DPH6: variants seen among roughly 807,000 people sequenced by gnomAD.
DPH6 encodes diphthine--ammonia ligase.
In DPH6, 33 loss-of-function variants were observed where a neutral mutation model predicts 38.2. That is an observed-to-expected ratio of 0.86 (90% confidence interval 0.65 to 1.15). The LOEUF (loss-of-function observed/expected upper bound fraction) is 1.15. DPH6 is among the 50% of genes most tolerant of loss of function. The pLI is 0.00. For missense variants in DPH6, 325 were observed against 320.0 expected (o/e 1.02, Z -0.12); for synonymous variants, 108 against 103.0 (o/e 1.05, Z -0.30).
the DPH6 span, among the ~76,000 whole-genome samples, chr15:35,166,131 C>G: frequency 1.2e-4 from 18 of 151,866 alleles, no homozygotes; most frequent in Non-Finnish European, 2.7e-4. Flanking sequence ...TTCTCCCTGG[C>G]CTTTTCTGTC....
chr15:35,238,267 C>G (rs1384218867), intron 3 of DPH6: 4 of 235,296 alleles, frequency 1.7e-5, no homozygotes, highest in Admixed American at 5.4e-5. Context: ...TTTTTACTGC[C>G]AAAAAAAAAA....
chr15:35,262,513 T>C lies in DPH6; in HGVS notation n.201-41931A>G, dbSNP rs377635958. On this transcript the variant is annotated intron_variant and non_coding_transcript_variant, in intron 3 of 3. Coordinates refer to the DPH6 transcript ENST00000560386. ...CCAGGTCAGGAGATGAAGACCATCC[T>C]GGCTAACACGGTGAAACCCCGTCTC... Among the ~76,000 whole-genome samples the C allele has an allele frequency of 1.6e-4, 24 of 152,208 alleles. 4 individuals are homozygous for C. The highest frequency in any genetic ancestry group is 7.7e-4 in the East Asian group (4 of 5,184).
chr15:35,460,845 C>T (rs1595384300), intron 3 of DPH6, among the ~76,000 whole-genome samples: 1 of 141,526 alleles, frequency 7.1e-6, no homozygotes, highest in African/African-American at 2.6e-5. Context: ...TGACCTATGT[C>T]GACAATTTTA....
chr15:35,283,020 C>A, intron 3 of DPH6: 1 of 210,922 alleles, frequency 4.7e-6, no homozygotes, highest in Non-Finnish European at 1.0e-5. Context: ...CTTCCTCTTC[C>A]TCTTCTTCCT....
At chr15:35,226,620 A>G (rs1375842363) in intron 3 of DPH6, among the ~76,000 whole-genome samples, 2 of 152,258 alleles carry the variant, frequency 1.3e-5, no homozygotes, top group African/African-American at 4.8e-5. Context: ...CTAGGAATTA[A>G]CTGAAGAGGT....
intron 3 of DPH6, among the ~76,000 whole-genome samples, chr15:35,490,387 T>C (rs963659474): frequency 1.3e-5 from 2 of 152,164 alleles, no homozygotes; most frequent in South Asian, 2.1e-4. Context: ...AGTTATGAAT[T>C]GCTATGTTTT....
chr15:35,472,633 T>C (rs1017064872), intron 3 of DPH6, among the ~76,000 whole-genome samples: 2 of 151,992 alleles, frequency 1.3e-5, no homozygotes, highest in African/African-American at 4.8e-5. Context: ...AAGATGAGCA[T>C]AAAAACTTTA....
At chr15:35,185,833 C>T in the DPH6 span, among the ~76,000 whole-genome samples, 10 of 149,914 alleles carry the variant, frequency 6.7e-5, no homozygotes, top group Non-Finnish European at 1.3e-4. Flanking sequence ...CCCGGGTTCA[C>T]GCCATTCTCC....
At chr15:35,454,131 G>T (rs2053968060) in intron 4 of DPH6, among the ~76,000 whole-genome samples, 1 of 152,038 alleles carries the variant, frequency 6.6e-6, no homozygotes, top group Non-Finnish European at 1.5e-5. Flanking sequence ...TTAACCTCAT[G>T]ATTTTTGAAT....
the DPH6 span, among the ~76,000 whole-genome samples, chr15:35,186,615 T>C: frequency 2.0e-4 from 30 of 152,348 alleles, no homozygotes; most frequent in African/African-American, 5.8e-4. Flanking sequence ...AGATCACCAT[T>C]GTCTTTATTC....
chr15:35,294,872 G>A (rs1325565951), intron 3 of DPH6, among the ~76,000 whole-genome samples: 2 of 152,186 alleles, frequency 1.3e-5, no homozygotes, highest in Non-Finnish European at 2.9e-5. Context: ...AGAAATCAAA[G>A]AGAAGACAAA....
At chr15:35,325,097 T>C (rs1417060048) in intron 3 of DPH6, among the ~76,000 whole-genome samples, 1 of 152,174 alleles carries the variant, frequency 6.6e-6, no homozygotes, top group Non-Finnish European at 1.5e-5. Flanking sequence ...GAAGGTTCCT[T>C]AGCATCACAT....
the DPH6 span, among the ~76,000 whole-genome samples, chr15:35,163,921 A>G: frequency 6.6e-6 from 1 of 151,830 alleles, no homozygotes; most frequent in South Asian, 2.1e-4. Context: ...TTCTACTCAT[A>G]TACTATAATA....
At chr15:35,206,375 GA>G in the DPH6 span, among the ~76,000 whole-genome samples, 1 of 152,112 alleles carries the variant, frequency 6.6e-6, no homozygotes, top group Admixed American at 6.6e-5. Flanking sequence ...AGTTATATTA[GA>G]ACATAATTTT....
chr15:35,198,823 A>AT, the DPH6 span, among the ~76,000 whole-genome samples: 1 of 152,206 alleles, frequency 6.6e-6, no homozygotes, highest in African/African-American at 2.4e-5. Flanking sequence ...TACAGCCAGG[A>AT]TGTGATTATA....
At chr15:35,379,469 AC>A (rs1803390549) in intron 7 of DPH6, among the ~76,000 whole-genome samples, 2 of 152,168 alleles carry the variant, frequency 1.3e-5, no homozygotes, top group East Asian at 3.8e-4. Context: ...AATTATTAAT[AC>A]TCAATTGTTA....
chr15:35,182,507 C>T, the DPH6 span, among the ~76,000 whole-genome samples: 2 of 151,876 alleles, frequency 1.3e-5, no homozygotes, highest in Non-Finnish European at 2.9e-5. Flanking sequence ...ATAGCATGTA[C>T]ACTTTTCATA....
rs147782264 is a variant in DPH6 at position 35,533,366 on chromosome 15, G to A, written c.312+4908C>T. Among the ~76,000 whole-genome samples, 486 of 152,210 alleles carry A rather than the reference G, an allele frequency of 3.2e-3. 3 individuals carry two copies. Among genetic ancestry groups the A allele is most frequent in the African/African-American group, 0.011 (465 of 41,532 alleles). On this transcript the variant is annotated intron_variant, in intron 3 of 8. Coordinates refer to ENST00000256538, the MANE Select transcript of DPH6 (RefSeq NM_080650.4). ...CTTCTCCCAACCACAACTGACTCAT[G>A]AATATGTTACACGTCAGATCAATTA...
chr15:35,533,133 ATGGTTTCCAAGT>A, intron 3 of DPH6, among the ~76,000 whole-genome samples: 1 of 151,296 alleles, frequency 6.6e-6, no homozygotes, highest in East Asian at 2.0e-4. Flanking sequence ...ATCATCTAGG[ATGGTTTCCAAGT>A]TGAAACCCAC....
Sources: allele counts gnomAD v4.1 joint callset (sites outside exome capture counted in the v4.1 genomes callset), GRCh38; gene constraint gnomAD v4.1.1; transcripts MANE v1.5; gene names NCBI Gene and HGNC (gene_info 2026-07-23, HGNC 2026-07-21).